RBPMS: variants seen among roughly 807,000 people sequenced by gnomAD.
The protein encoded by RBPMS is RNA-binding protein with multiple splicing.
Under a neutral mutation model 26.8 loss-of-function variants are expected in RBPMS, and 7 were observed. The observed-to-expected ratio is 0.26, with a 90% CI of 0.15 to 0.49. The LOEUF (loss-of-function observed/expected upper bound fraction) is 0.49. RBPMS is among the 20% of genes least tolerant of loss of function. The pLI is 0.98. For missense variants in RBPMS, 186 were observed against 250.0 expected (o/e 0.74, Z 1.73); for synonymous variants, 96 against 93.3 (o/e 1.03, Z -0.17).
intron 5 of RBPMS, among the ~76,000 whole-genome samples, chr8:30,525,102 T>A (rs911282290): frequency 2.6e-5 from 4 of 152,210 alleles, no homozygotes; most frequent in African/African-American, 4.8e-5. Context: ...CAATTTAACT[T>A]GATTTCTGGT....
At chr8:30,496,329 C>T (rs934116011) in intron 4 of RBPMS, among the ~76,000 whole-genome samples, 12 of 152,038 alleles carry the variant, frequency 7.9e-5, no homozygotes, top group South Asian at 2.1e-4. Flanking sequence ...CCACCACGCC[C>T]GGCTAATTTT....
chr8:30,471,775 G>A (rs918517804), intron 1 of RBPMS, among the ~76,000 whole-genome samples: 12 of 152,146 alleles, frequency 7.9e-5, no homozygotes, highest in African/African-American at 2.4e-5. Flanking sequence ...TTTGACACTT[G>A]TCAGCAATTC....
intron 1 of RBPMS, among the ~76,000 whole-genome samples, chr8:30,459,498 C>T (rs1047385523): frequency 3.2e-4 from 48 of 152,084 alleles, no homozygotes; most frequent in African/African-American, 1.1e-3. Context: ...TGAAAAGTGG[C>T]TCGATTGACA....
chr8:30,385,101 C>T lies in RBPMS; in HGVS notation c.9C>T (p.Asn3=). Residue 3 remains asparagine, a synonymous_variant, in exon 1 of 9, where the codon AAC becomes AAT. Transcript: ENST00000397323. ...GAGGAAGGACCGGGAAGATGAACAA[C>T]GGCGGCAAAGCCGAGAAGGAGAACA... The part of the protein sequence containing the change: MN[N]GGKAEKENTP... 1.3e-6 allele frequency: 2 copies of T among 1,523,936 alleles called. No homozygotes were observed. Among genetic ancestry groups the T allele is most frequent in the East Asian group, 2.7e-5 (1 of 36,854 alleles). The allele number at this position is 1,523,936 out of a possible 1,614,324, so 94.4% of individuals were successfully genotyped here.
intron 1 of RBPMS, among the ~76,000 whole-genome samples, chr8:30,470,965 A>G (rs186202522): frequency 1.3e-5 from 2 of 152,324 alleles, no homozygotes; most frequent in African/African-American, 4.8e-5. Context: ...TTTATAATAT[A>G]ATATTGATAC....
chr8:30,442,791 G>C (rs987656560), intron 1 of RBPMS: 3 of 152,134 alleles, frequency 2.0e-5, no homozygotes, highest in South Asian at 2.1e-4. Context: ...CGAGGGCACC[G>C]AGAGCCACGG....
chr8:30,544,857 CCTT>C, intron 6 of RBPMS: 1 of 1,515,466 alleles, frequency 6.6e-7, no homozygotes. Context: ...CCTCTCTCTT[CCTT>C]AATGATCTCA....
intron 1 of RBPMS, among the ~76,000 whole-genome samples, chr8:30,425,747 T>G (rs1235866970): frequency 6.6e-6 from 1 of 151,986 alleles, no homozygotes; most frequent in Non-Finnish European, 1.5e-5. Flanking sequence ...AGTGTACAAT[T>G]TGTCAGGCAC....
chr8:30,434,703 CG>C (rs1386505913), intron 1 of RBPMS, among the ~76,000 whole-genome samples: 8 of 116,794 alleles, frequency 6.8e-5, no homozygotes, highest in African/African-American at 3.1e-4. Context: ...GACTCTGCCT[CG>C]AAAAAAAAAA....
chr8:30,438,077 CT>C (rs1317304063), intron 1 of RBPMS, among the ~76,000 whole-genome samples: 3 of 152,186 alleles, frequency 2.0e-5, no homozygotes, highest in Non-Finnish European at 4.4e-5. Flanking sequence ...CTATCTTCCC[CT>C]TTCCTCTGAT....
At chr8:30,558,804 A>AAC (rs1563451840) in intron 6 of RBPMS, 83 bp from the exon 7 acceptor site, 16 of 1,124,694 alleles carry the variant, frequency 1.4e-5, no homozygotes, top group Non-Finnish European at 2.2e-5. Context: ...ACAGTAGGGA[A>AAC]GTGGTAGCCA....
chr8:30,413,886 C>T (rs532378190), intron 1 of RBPMS, among the ~76,000 whole-genome samples: 132 of 152,268 alleles, frequency 8.7e-4, no homozygotes, highest in Non-Finnish European at 1.7e-3. Context: ...GTTGGGATTA[C>T]AGGCGTGAGC....
intron 5 of RBPMS, among the ~76,000 whole-genome samples, chr8:30,533,872 G>A (rs1824517834): frequency 6.6e-6 from 1 of 152,094 alleles, no homozygotes; most frequent in Non-Finnish European, 1.5e-5. Context: ...GGTGGCTCAC[G>A]CCTATAATCC....
chr8:30,447,904 CA>C (rs1317502719), intron 1 of RBPMS, among the ~76,000 whole-genome samples: 2 of 152,118 alleles, frequency 1.3e-5, no homozygotes, highest in Non-Finnish European at 2.9e-5. Context: ...TTTGTGATTA[CA>C]TTTTTTTGCT....
intron 5 of RBPMS, among the ~76,000 whole-genome samples, chr8:30,511,476 A>ATATATATAT (rs1821602788): frequency 2.2e-3 from 11 of 5,084 alleles, no homozygotes; most frequent in African/African-American, 5.8e-3. Context: ...AAAAAGAAAA[A>ATATATATAT]AAAAAAAAAA....
At chr8:30,507,544 T>C (rs766343921) in intron 5 of RBPMS, among the ~76,000 whole-genome samples, 1 of 152,202 alleles carries the variant, frequency 6.6e-6, no homozygotes, top group Non-Finnish European at 1.5e-5. Context: ...ATGAGTGAAA[T>C]TGACATACAA....
intron 4 of RBPMS, among the ~76,000 whole-genome samples, chr8:30,482,819 C>A (rs1263546952): frequency 1.3e-5 from 2 of 152,046 alleles, no homozygotes; most frequent in Non-Finnish European, 2.9e-5. Context: ...AATTTCTGTA[C>A]CTGTTTTGAA....
intron 1 of RBPMS, among the ~76,000 whole-genome samples, chr8:30,438,915 A>G (rs572264171): frequency 6.6e-6 from 1 of 152,266 alleles, no homozygotes; most frequent in Admixed American, 6.5e-5. Context: ...CTGGGCCTAC[A>G]GGCGCATGCC....
intron 1 of RBPMS, among the ~76,000 whole-genome samples, chr8:30,437,022 A>G (rs1174080421): frequency 1.3e-5 from 2 of 148,854 alleles, no homozygotes; most frequent in East Asian, 4.0e-4. Flanking sequence ...TCCTGGGTTC[A>G]CGCCATTCTT....
Sources: allele counts gnomAD v4.1 joint callset (sites outside exome capture counted in the v4.1 genomes callset), GRCh38; gene constraint gnomAD v4.1.1; transcripts MANE v1.5; gene names NCBI Gene and HGNC (gene_info 2026-07-23, HGNC 2026-07-21).